The following DOCK2 variants were observed in gnomAD, a reference collection of about 807,000 sequenced individuals.
DOCK2 encodes dedicator of cytokinesis 2.
A neutral mutation model predicts 248.9 loss-of-function variants in DOCK2; 87 were observed. The observed-to-expected ratio is 0.35, with a 90% CI of 0.29 to 0.42. The LOEUF is 0.42. Among genes scored for constraint, DOCK2 ranks in the 10% least tolerant of loss-of-function variants. The pLI, the probability that DOCK2 is intolerant of heterozygous loss-of-function variation, is 1.00. For synonymous variants in DOCK2, 805 were observed against 821.6 expected, an observed-to-expected ratio of 0.98 and a Z score of 0.35; for missense variants, 1,747 against 2,300.2, an observed-to-expected ratio of 0.76 and a Z score of 4.92.
chr5:169,899,569 G>T (rs1308555336), intron 27 of DOCK2, among the ~76,000 whole-genome samples: 1 of 152,226 alleles, frequency 6.6e-6, no homozygotes, highest in Non-Finnish European at 1.5e-5. Context: ...TGTTTGTGCA[G>T]AGCTGCTTGG....
chr5:169,804,468 G>A, intron 26 of DOCK2, among the ~76,000 whole-genome samples: 1 of 82,400 alleles, frequency 1.2e-5, no homozygotes, highest in South Asian at 4.7e-4. Flanking sequence ...GTGTGTGTGT[G>A]TGTGTGTGTG....
chr5:169,843,318 A>G (rs963836266), intron 27 of DOCK2, among the ~76,000 whole-genome samples: 2 of 151,924 alleles, frequency 1.3e-5, no homozygotes, highest in Admixed American at 1.3e-4. Context: ...TTTTTTTAAA[A>G]GCAGTTTTTC....
intron 26 of DOCK2, among the ~76,000 whole-genome samples, chr5:169,839,947 T>C (rs556312705): frequency 6.6e-6 from 1 of 152,340 alleles, no homozygotes; most frequent in South Asian, 2.1e-4. Flanking sequence ...TTCCTCCTTA[T>C]TCCAGCTCAG....
intron 27 of DOCK2, among the ~76,000 whole-genome samples, chr5:169,902,778 G>C (rs566795464): frequency 6.6e-6 from 1 of 152,300 alleles, no homozygotes; most frequent in Admixed American, 6.5e-5. Context: ...TTCTCCCAGA[G>C]CCCACAGAGT....
At position 169,823,513 on chromosome 5, in the gene DOCK2, C is replaced by T. The variant is rs555366616; in HGVS notation, c.2704-17244C>T. Among the ~76,000 whole-genome samples, 100 of 152,244 alleles carry T rather than the reference C, an allele frequency of 6.6e-4. No individual in the cohort carries two copies. In the Middle Eastern group the frequency reaches 0.01, roughly 16 times the overall value. On this transcript the variant is annotated intron_variant, in intron 26 of 51. Coordinates refer to ENST00000520908, the MANE Select transcript of DOCK2 (RefSeq NM_004946.3). ...TCCAGCATATAAACAGAACCAAAGA[C>T]AAAAACCACATGACTGTCTCAATAG...
intron 2 of DOCK2, among the ~76,000 whole-genome samples, chr5:169,662,520 T>C (rs1758501376): frequency 6.6e-6 from 1 of 152,208 alleles, no homozygotes; most frequent in Admixed American, 6.6e-5. Context: ...AAGAACTACC[T>C]GAGACTGGGT....
At chr5:169,745,262 C>A (rs756368693) in intron 22 of DOCK2, among the ~76,000 whole-genome samples, 1 of 152,168 alleles carries the variant, frequency 6.6e-6, no homozygotes, top group Non-Finnish European at 1.5e-5. Flanking sequence ...CTGGTCCCAT[C>A]TTTTCTACTT....
At chr5:169,823,157 C>T (rs1163891588) in intron 26 of DOCK2, among the ~76,000 whole-genome samples, 1 of 152,124 alleles carries the variant, frequency 6.6e-6, no homozygotes, top group Non-Finnish European at 1.5e-5. Context: ...AAGTCCAGGA[C>T]CAGACGGAGT....
At chr5:169,963,703 C>T (rs931222581) in intron 27 of DOCK2, among the ~76,000 whole-genome samples, 1 of 152,166 alleles carries the variant, frequency 6.6e-6, no homozygotes, top group African/African-American at 2.4e-5. Context: ...TTCTTTGCCT[C>T]AGTTTCTGCC....
chr5:169,992,496 C>T (rs988474582), intron 29 of DOCK2, among the ~76,000 whole-genome samples: 4 of 152,242 alleles, frequency 2.6e-5, no homozygotes, highest in African/African-American at 9.6e-5. Context: ...GACGGAGTCT[C>T]GCTCTGTTGC....
rs114346342 is a variant in DOCK2, at chr5:169,936,787, G to A, written c.2800-46281G>A. 9.6e-3 allele frequency among the ~76,000 whole-genome samples: 1,461 copies of A among 152,138 alleles called. 11 individuals carry two copies. The highest frequency in any genetic ancestry group is 0.013 in the Non-Finnish European group (909 of 68,002). ...CTGATCAGAGGATACTAATTAAGAC[G>A]TGGCAATGCCCACTTAGTAAATTAG... On this transcript the variant is annotated intron_variant, in intron 27 of 51. Coordinates refer to ENST00000520908, the MANE Select transcript of DOCK2 (RefSeq NM_004946.3).
chr5:169,671,223 CA>C (rs771566247), intron 5 of DOCK2, 49 bp downstream of exon 5: 1 of 1,562,138 alleles, frequency 6.4e-7, no homozygotes, highest in African/African-American at 1.4e-5. Context: ...TTGCAATCTT[CA>C]GTTTGGTTCC....
rs2113355551 is a variant in DOCK2, at chr5:169,681,791, T to C, written c.518T>C (p.Leu173Ser). The change falls in exon 7 of 52, where the codon TTG (leucine) becomes TCG (serine). Residue 173 changes from leucine to serine, a missense_variant. Physicochemically the swap from Leu to Ser is moderately radical, Grantham distance 145 (BLOSUM62 -2). Around this residue, in one of 4 missense-constraint regions of DOCK2, gnomAD observed 375 missense variants for 510.9 expected, o/e 0.73. Transcript: ENST00000520908. ...LIVRDEDGNILDPDNTSVISL... is the reference protein window; with the variant it reads ...LIVRDEDGNISDPDNTSVISL... Reference sequence around the variant, plus strand: ...GTCAGAGATGAAGACGGAAATATCTTGGACCCTGATAATACCAGTGTCATC... The same window carrying C: ...GTCAGAGATGAAGACGGAAATATCTCGGACCCTGATAATACCAGTGTCATC... 6.2e-7 allele frequency: 1 copy of C among 1,613,896 alleles called. No homozygotes were observed. Among genetic ancestry groups the C allele is most frequent in the South Asian group, 1.1e-5 (1 of 90,984 alleles).
chr5:169,848,833 AC>A (rs1351594469), intron 27 of DOCK2, among the ~76,000 whole-genome samples: 9 of 152,206 alleles, frequency 5.9e-5, no homozygotes, highest in Admixed American at 5.2e-4. Context: ...ATTGGAAGTC[AC>A]CTTTTCCTCT....
At chr5:169,893,704 A>C (rs546170141) in intron 27 of DOCK2, among the ~76,000 whole-genome samples, 1 of 152,306 alleles carries the variant, frequency 6.6e-6, no homozygotes, top group Non-Finnish European at 1.5e-5. Flanking sequence ...CCAGAAAAAA[A>C]CAACAGGAAG....
intron 26 of DOCK2, among the ~76,000 whole-genome samples, chr5:169,832,658 G>C (rs187426384): frequency 2.3e-3 from 343 of 152,350 alleles, no homozygotes; most frequent in African/African-American, 7.9e-3. Flanking sequence ...CAGAGAGAGA[G>C]AGGGTGACTG....
intron 1 of DOCK2, among the ~76,000 whole-genome samples, chr5:169,653,785 C>A (rs982692925): frequency 6.6e-6 from 1 of 152,220 alleles, no homozygotes; most frequent in Non-Finnish European, 1.5e-5. Context: ...GAATACAAGG[C>A]CCTGGCTGTC....
intron 9 of DOCK2, among the ~76,000 whole-genome samples, chr5:169,691,311 C>T (rs1450876623): frequency 6.6e-6 from 1 of 152,170 alleles, no homozygotes; most frequent in Non-Finnish European, 1.5e-5. Flanking sequence ...GCCCCACCTC[C>T]AGCCTGGGGA....
Position 169,860,710 on chromosome 5 carries a change from A to G in DOCK2, c.2799+19858A>G, listed in dbSNP as rs58767403. On this transcript the variant is annotated intron_variant, in intron 27 of 51. Transcript: ENST00000520908. Reference sequence around the variant, plus strand: ...GAAAAGGAATACTGAATCACATGACAGGAAAGTTGTTTTCTTTTCAATTCT... The same window carrying G: ...GAAAAGGAATACTGAATCACATGACGGGAAAGTTGTTTTCTTTTCAATTCT... Among the ~76,000 whole-genome samples, 479 of 152,284 alleles carry G rather than the reference A, an allele frequency of 3.1e-3. 5 individuals are homozygous for G. Among genetic ancestry groups the G allele is most frequent in the African/African-American group, 0.011 (462 of 41,542 alleles).
Sources: allele counts gnomAD v4.1 joint callset (sites outside exome capture counted in the v4.1 genomes callset), GRCh38; gene constraint gnomAD v4.1.1; regional missense constraint gnomAD v4.1.1; transcripts MANE v1.5; gene names NCBI Gene and HGNC (gene_info 2026-07-23, HGNC 2026-07-21).